Variants in EYS observed in about 807,000 individuals in gnomAD.
The protein encoded by EYS is protein eyes shut homolog.
EYS carries 250 observed loss-of-function variants against 282.1 expected under a neutral mutation model. The ratio of observed to expected loss-of-function variants is 0.89; its 90% confidence interval spans 0.80 to 0.98. EYS has a LOEUF of 0.98. Among genes scored for constraint, EYS ranks in the 50% least tolerant of loss-of-function variants. EYS has a pLI of 0.00. For synonymous variants in EYS, 1,355 were observed against 1,282.9 expected, an observed-to-expected ratio of 1.06 and a Z score of -1.20; for missense variants, 4,016 against 3,709.0, an observed-to-expected ratio of 1.08 and a Z score of -2.15.
chr6:63,983,951 C>G (rs1767227455), intron 35 of EYS, among the ~76,000 whole-genome samples: 1 of 151,584 alleles, frequency 6.6e-6, no homozygotes, highest in South Asian at 2.1e-4. Context: ...GTTTTTACCT[C>G]TAACCTTAGC....
At chr6:64,643,570 A>G (rs1768247310) in intron 22 of EYS, among the ~76,000 whole-genome samples, 1 of 151,984 alleles carries the variant, frequency 6.6e-6, no homozygotes, top group Admixed American at 6.6e-5. Flanking sequence ...TTCCCACCAC[A>G]TATCCCCTGA....
chr6:63,938,636 T>C (rs1458747772), intron 35 of EYS, among the ~76,000 whole-genome samples: 1 of 152,250 alleles, frequency 6.6e-6, no homozygotes, highest in Non-Finnish European at 1.5e-5. Context: ...TTTGACTTAA[T>C]TTCTCTTAAT....
intron 35 of EYS, 80 bp from the exon 36 acceptor site, chr6:63,864,438 G>T: frequency 1.1e-6 from 1 of 936,828 alleles, no homozygotes; most frequent in South Asian, 2.1e-5. Flanking sequence ...ACACATGCAT[G>T]AACACATATG....
chr6:64,623,488 GT>G (rs1193340526), intron 23 of EYS, among the ~76,000 whole-genome samples: 1 of 151,992 alleles, frequency 6.6e-6, no homozygotes, highest in Non-Finnish European at 1.5e-5. Context: ...AACTTAATTA[GT>G]TAATACATCT....
chr6:64,649,563 C>T lies in EYS; in HGVS notation c.3444-23318G>A, dbSNP rs528110392. On this transcript the variant is annotated intron_variant, in intron 22 of 42. Coordinates refer to ENST00000503581, the MANE Select transcript of EYS (RefSeq NM_001142800.2). ...CAATGTTGGTCAGGATGGTCTTCAA[C>T]TCCTAACCTCATGTTCTGCCTGCCT... Among the ~76,000 whole-genome samples the T allele has an allele frequency of 3.0e-4, 46 of 152,270 alleles. 1 individual carries two copies. The South Asian group carries it at 7.2e-3, about 24-fold the overall frequency.
At chr6:65,224,757 G>T (rs1364943040) in intron 12 of EYS, among the ~76,000 whole-genome samples, 1 of 151,866 alleles carries the variant, frequency 6.6e-6, no homozygotes, top group Non-Finnish European at 1.5e-5. Context: ...AAGGATAAAA[G>T]GATTTATAAG....
chr6:63,748,407 T>G (rs1035736804), intron 41 of EYS, among the ~76,000 whole-genome samples: 5 of 152,188 alleles, frequency 3.3e-5, no homozygotes, highest in African/African-American at 9.7e-5. Flanking sequence ...TTTTGAGGAT[T>G]TTTGCATCAA....
chr6:65,075,331 C>T (rs1774017061), intron 12 of EYS, among the ~76,000 whole-genome samples: 1 of 151,992 alleles, frequency 6.6e-6, no homozygotes, highest in East Asian at 1.9e-4. Context: ...TTGCCAACAG[C>T]TTAACACAAA....
intron 12 of EYS, among the ~76,000 whole-genome samples, chr6:65,200,638 T>C (rs935673355): frequency 1.1e-4 from 17 of 151,630 alleles, no homozygotes; most frequent in East Asian, 9.6e-4. Context: ...TATAAATGTG[T>C]ATATACCATG....
Position 64,040,932 on chromosome 6 carries a change from G to A in EYS, c.6725+25406C>T, listed in dbSNP as rs931978214. Among the ~76,000 whole-genome samples the A allele has an allele frequency of 5.3e-5, 8 of 152,094 alleles. 1 individual carries two copies. Among genetic ancestry groups the A allele is most frequent in the African/African-American group, 1.9e-4 (8 of 41,418 alleles). On this transcript the variant is annotated intron_variant, in intron 33 of 42. Coordinates refer to ENST00000503581, the MANE Select transcript of EYS (RefSeq NM_001142800.2). The stretch of plus-strand genomic sequence containing the variant: ...AAATACAACCTGTGTTTAAATAGAG[G>A]TATTCATTTCAAAATCTGCAATCAG...
At chr6:64,418,292 T>C (rs533511230) in intron 28 of EYS, among the ~76,000 whole-genome samples, 6 of 152,358 alleles carry the variant, frequency 3.9e-5, no homozygotes, top group Non-Finnish European at 7.3e-5. Context: ...ATACACTTGA[T>C]ACATATTAAA....
At chr6:65,234,239 TG>T (rs1766864048) in intron 12 of EYS, among the ~76,000 whole-genome samples, 2 of 152,206 alleles carry the variant, frequency 1.3e-5, no homozygotes. Flanking sequence ...GCATCAGAGC[TG>T]GGTGGAGGGA....
intron 28 of EYS, among the ~76,000 whole-genome samples, chr6:64,397,890 T>C (rs942333494): frequency 1.3e-5 from 2 of 152,004 alleles, no homozygotes; most frequent in Admixed American, 1.3e-4. Context: ...AATTTAACCA[T>C]ATTCAACAAG....
rs1360142488 is a variant in EYS at position 64,821,843 on chromosome 6, CA to C, written c.3165-121del. ...CAGGTGAAAAAAGCACTCCCATGAG[CA>C]ATACAAAGCAGAGTTTATTCCTGGG... On this transcript the variant is annotated intron_variant, in intron 20 of 42. Transcript: ENST00000503581. 9.5e-6 allele frequency: 5 copies of C among 527,148 alleles called. No homozygotes were observed. In the Admixed American group the frequency reaches 1.5e-4, roughly 16 times the overall value. The allele number at this position is 527,148 out of a possible 1,614,324, so 32.7% of individuals were successfully genotyped here. A position where few individuals can be genotyped will look rare whatever the true frequency, so the allele number is the denominator to read the frequency against.
chr6:65,142,587 G>T (rs1764375211), intron 12 of EYS, among the ~76,000 whole-genome samples: 1 of 150,848 alleles, frequency 6.6e-6, no homozygotes, highest in African/African-American at 2.4e-5. Context: ...GGGAAAAGCT[G>T]GTTAAGGGCC....
At chr6:65,115,616 C>T (rs1330408456) in intron 12 of EYS, among the ~76,000 whole-genome samples, 1 of 152,006 alleles carries the variant, frequency 6.6e-6, no homozygotes, top group Non-Finnish European at 1.5e-5. Flanking sequence ...TAAGATAATA[C>T]TAATACCAAT....
chr6:65,323,403 T>C (rs1562096336), intron 11 of EYS, among the ~76,000 whole-genome samples: 1 of 151,966 alleles, frequency 6.6e-6, no homozygotes, highest in Non-Finnish European at 1.5e-5. Flanking sequence ...AATCTTGCTA[T>C]ACACAAAATT....
intron 14 of EYS, among the ~76,000 whole-genome samples, chr6:64,950,640 C>A (rs1308182328): frequency 6.6e-6 from 1 of 150,398 alleles, no homozygotes; most frequent in Non-Finnish European, 1.5e-5. Flanking sequence ...ATTCAATACA[C>A]ATTCTAAAAA....
intron 30 of EYS, among the ~76,000 whole-genome samples, chr6:64,251,872 T>C (rs992182588): frequency 9.2e-5 from 14 of 152,046 alleles, no homozygotes; most frequent in Admixed American, 9.2e-4. Context: ...TAAGTCTGTA[T>C]CAAGAATTTA....
Sources: allele counts gnomAD v4.1 joint callset (sites outside exome capture counted in the v4.1 genomes callset), GRCh38; gene constraint gnomAD v4.1.1; transcripts MANE v1.5; gene names NCBI Gene and HGNC (gene_info 2026-07-23, HGNC 2026-07-21).